Variants in SEMA3A observed in about 807,000 individuals in gnomAD.
SEMA3A encodes semaphorin 3A.
Under a neutral mutation model 97.9 loss-of-function variants are expected in SEMA3A, and 29 were observed. That is an observed-to-expected ratio of 0.30 (90% CI 0.22 to 0.40). The LOEUF is 0.40. Ranked by LOEUF, SEMA3A falls within the 10% of genes least tolerant of loss-of-function variation. The pLI is 1.00. For synonymous variants in SEMA3A, 321 were observed against 323.7 expected (o/e 0.99, Z 0.09); for missense variants, 763 against 951.3 (o/e 0.80, Z 2.60).
At chr7:83,961,848 A>G in intron 16 of SEMA3A, 22 bp from the exon 17 acceptor site, 1 of 1,561,714 alleles carries the variant, frequency 6.4e-7, no homozygotes, top group East Asian at 2.2e-5. Flanking sequence ...AAAAAAAGGC[A>G]GTGTAAAATA....
intron 3 of SEMA3A, among the ~76,000 whole-genome samples, chr7:84,289,321 TA>T (rs1287912275): frequency 6.6e-6 from 1 of 152,044 alleles, no homozygotes; most frequent in Non-Finnish European, 1.5e-5. Flanking sequence ...TGACCACAGT[TA>T]ACAATAATTT....
chr7:84,067,393 C>A lies in SEMA3A; in HGVS notation c.454-6835G>T, dbSNP rs867159261. Among the ~76,000 whole-genome samples the A allele has an allele frequency of 5.8e-3, 881 of 152,022 alleles. 4 individuals are homozygous for A. The highest frequency in any genetic ancestry group is 0.027 in the Middle Eastern group (8 of 292). On this transcript the variant is annotated intron_variant, in intron 4 of 16. Transcript: ENST00000265362. ...ACTTCATGTCTAAAACACCAAAAGC[C>A]ATGGCAACAAAAGCCAAAATTGACA...
At position 84,331,599 on chromosome 7, in the gene SEMA3A, G is replaced by C. The variant is rs551162740; in HGVS notation, c.-168-24307C>G. 2.8e-4 allele frequency among the ~76,000 whole-genome samples: 43 copies of C among 152,090 alleles called. 1 individual carries two copies. The highest frequency in any genetic ancestry group is 1.0e-3 in the African/African-American group (42 of 41,514). On this transcript the variant is annotated intron_variant, in intron 2 of 3. Transcript: ENST00000424555. ...TTTCCAACTATGGTTTGATGTCATT[G>C]TGTATATACAGGACGTCCACAGGTG... is the stretch of plus-strand genomic sequence containing the variant.
In SEMA3A at chr7:84,054,413, T is replaced by A. The variant is rs1182819442; in HGVS notation, c.547+6052A>T. ...ATTTCTTGGAGGCTTTGCTCATTTC[T>A]TTTTATTCTTTTTTCTCTAAACTTC... On this transcript the variant is annotated intron_variant, in intron 5 of 16. Transcript: ENST00000265362. Among the ~76,000 whole-genome samples, 116 of 152,250 alleles carry A rather than the reference T, an allele frequency of 7.6e-4. 1 individual carries two copies. The East Asian group carries it at 0.014, about 18-fold the overall frequency.
intron 1 of SEMA3A, among the ~76,000 whole-genome samples, chr7:84,454,164 A>G (rs1805631427): frequency 1.3e-5 from 2 of 152,182 alleles, no homozygotes; most frequent in Non-Finnish European, 2.9e-5. Flanking sequence ...AAAATGTAAA[A>G]GAGCTGTGGA....
chr7:84,255,660 A>T (rs2115633945), intron 3 of SEMA3A, among the ~76,000 whole-genome samples: 1 of 152,168 alleles, frequency 6.6e-6, no homozygotes, highest in East Asian at 1.9e-4. Flanking sequence ...TGATTGCAAA[A>T]GTCTTATGGT....
chr7:84,389,422 T>A (rs1232324074), intron 1 of SEMA3A, among the ~76,000 whole-genome samples: 1 of 152,126 alleles, frequency 6.6e-6, no homozygotes, highest in African/African-American at 2.4e-5. Flanking sequence ...TTCCTATCTA[T>A]ACGGCTTTTA....
At chr7:84,424,589 A>G (rs1228204935) in intron 1 of SEMA3A, among the ~76,000 whole-genome samples, 1 of 75,272 alleles carries the variant, frequency 1.3e-5, no homozygotes, top group East Asian at 3.8e-4. Context: ...TATATTATAT[A>G]TAATATATAA....
At chr7:84,164,683 C>T (rs1797145866) in intron 1 of SEMA3A, among the ~76,000 whole-genome samples, 1 of 152,042 alleles carries the variant, frequency 6.6e-6, no homozygotes, top group Admixed American at 6.5e-5. Flanking sequence ...GTATAAATTG[C>T]ATGTAGTAAA....
At chr7:84,433,474 C>A (rs1002209658) in intron 1 of SEMA3A, among the ~76,000 whole-genome samples, 1 of 152,028 alleles carries the variant, frequency 6.6e-6, no homozygotes, top group East Asian at 1.9e-4. Flanking sequence ...TCCAGTTTAT[C>A]ATTGATGGAC....
intron 3 of SEMA3A, among the ~76,000 whole-genome samples, chr7:84,244,495 A>G (rs1003589517): frequency 1.3e-5 from 2 of 152,158 alleles, no homozygotes; most frequent in African/African-American, 2.4e-5. Flanking sequence ...TGCACATGAG[A>G]TGGGTGTCTT....
At position 83,961,660 on chromosome 7, in the gene SEMA3A, A is replaced by C; in HGVS notation, c.2027T>G (p.Leu676Arg). The C allele has an allele frequency of 2.5e-6, 4 of 1,613,884 alleles. No homozygotes were observed. ...ATCTCCATCATCATCTTTATGAAGA[A>C]GTTCTTCCAAATGCTCTGTGTCAAT... ...EVIDTEHLEE[L>R]LHKDDDGDGS... The change falls in exon 17 of 17, where the codon CTT becomes CGT. Residue 676 changes from leucine (L) to arginine (R), a missense_variant. Leu to Arg is a moderately radical substitution (Grantham distance 102). Coordinates refer to ENST00000265362, the MANE Select transcript of SEMA3A (RefSeq NM_006080.3).
At chr7:84,189,782 C>T (rs911760263) in intron 1 of SEMA3A, among the ~76,000 whole-genome samples, 4 of 151,354 alleles carry the variant, frequency 2.6e-5, no homozygotes, top group Non-Finnish European at 4.4e-5. Flanking sequence ...CTGAAAGATC[C>T]ATGAAATACA....
chr7:84,391,136 G>T (rs1228475904), intron 1 of SEMA3A, among the ~76,000 whole-genome samples: 1 of 152,122 alleles, frequency 6.6e-6, no homozygotes, highest in Non-Finnish European at 1.5e-5. Flanking sequence ...TTATTAGGAG[G>T]ATTCAAGTGA....
At chr7:84,151,505 A>T (rs534042381) in intron 1 of SEMA3A, among the ~76,000 whole-genome samples, 1,854 of 152,094 alleles carry the variant, frequency 0.012, 24 homozygotes, top group Non-Finnish European at 0.017. Context: ...GGAAGATGAA[A>T]TGAATGAAAT....
chr7:84,238,959 C>T (rs780168658), intron 3 of SEMA3A, among the ~76,000 whole-genome samples: 17 of 152,150 alleles, frequency 1.1e-4, no homozygotes, highest in Non-Finnish European at 1.3e-4. Context: ...TCAGGCAATC[C>T]GCCTGCCTCG....
intron 9 of SEMA3A, among the ~76,000 whole-genome samples, chr7:84,009,917 A>AC (rs200621623): frequency 0.045 from 6,718 of 149,396 alleles, 583 homozygotes; most frequent in African/African-American, 0.16. Flanking sequence ...AAAAAAAAAA[A>AC]AAAAAAAAAA....
At chr7:84,273,296 C>G (rs1800200307) in intron 3 of SEMA3A, among the ~76,000 whole-genome samples, 1 of 152,118 alleles carries the variant, frequency 6.6e-6, no homozygotes, top group Admixed American at 6.6e-5. Context: ...CAACATTCCT[C>G]TAGCCCCGAA....
chr7:84,353,381 T>G (rs960189398), intron 2 of SEMA3A, among the ~76,000 whole-genome samples: 2 of 151,658 alleles, frequency 1.3e-5, no homozygotes, highest in African/African-American at 2.4e-5. Context: ...TCTCTTTTAT[T>G]ATAATAGGGG....
Sources: gnomAD v4.1 joint callset for allele counts (sites outside exome capture counted in the v4.1 genomes callset) on GRCh38, gnomAD v4.1.1 for gene constraint, MANE v1.5 for transcripts, NCBI Gene and HGNC (gene_info 2026-07-23, HGNC 2026-07-21) for gene names.